Variants in STXBP5L observed in about 807,000 individuals in gnomAD.
The protein encoded by STXBP5L is syntaxin binding protein 5L.
A neutral mutation model predicts 144.5 loss-of-function variants in STXBP5L; 65 were observed. The ratio of observed to expected loss-of-function variants is 0.45; its 90% CI spans 0.37 to 0.55. The LOEUF is 0.55. Ranked by LOEUF, STXBP5L falls within the 20% of genes least tolerant of loss-of-function variation. The pLI, the probability that STXBP5L is intolerant of heterozygous loss-of-function variation, is 0.00. For synonymous variants in STXBP5L, 505 were observed against 469.6 expected, an observed-to-expected ratio of 1.08 and a Z score of -0.97; for missense variants, 1,298 against 1,405.5, an observed-to-expected ratio of 0.92 and a Z score of 1.22.
chr3:120,972,896 G>A (rs573712074), intron 3 of STXBP5L, among the ~76,000 whole-genome samples: 1 of 151,852 alleles, frequency 6.6e-6, no homozygotes, highest in Admixed American at 6.6e-5. Flanking sequence ...ATGTTGAATC[G>A]TCCTTGCAAT....
At chr3:121,348,130 C>G (rs1395453405) in intron 20 of STXBP5L, among the ~76,000 whole-genome samples, 1 of 152,004 alleles carries the variant, frequency 6.6e-6, no homozygotes, top group African/African-American at 2.4e-5. Context: ...GAGATATGTC[C>G]CATCAGTACC....
chr3:121,381,986 G>A (rs185777756), intron 22 of STXBP5L, among the ~76,000 whole-genome samples: 34 of 152,066 alleles, frequency 2.2e-4, no homozygotes, highest in African/African-American at 8.2e-4. Context: ...TTCCCATCTT[G>A]TTTCAAAAGC....
intron 3 of STXBP5L, among the ~76,000 whole-genome samples, chr3:121,029,277 C>T (rs961455226): frequency 1.4e-4 from 21 of 152,152 alleles, no homozygotes; most frequent in African/African-American, 4.6e-4. Flanking sequence ...TGACTTCAAA[C>T]TATACTACAA....
chr3:121,189,354 G>A (rs983052361), intron 9 of STXBP5L, among the ~76,000 whole-genome samples: 1 of 152,130 alleles, frequency 6.6e-6, no homozygotes, highest in Non-Finnish European at 1.5e-5. Flanking sequence ...TACTGTTTTA[G>A]GTCTAACATT....
chr3:121,112,127 C>T (rs894964857), intron 5 of STXBP5L, among the ~76,000 whole-genome samples: 7 of 151,884 alleles, frequency 4.6e-5, no homozygotes, highest in Admixed American at 1.3e-4. Flanking sequence ...TGGCTGCCAC[C>T]CCTCCCCCCA....
At chr3:121,007,347 A>G (rs1243515872) in intron 3 of STXBP5L, among the ~76,000 whole-genome samples, 1 of 151,780 alleles carries the variant, frequency 6.6e-6, no homozygotes, top group East Asian at 1.9e-4. Flanking sequence ...GCTTTCTTTT[A>G]TGATAATAGT....
intron 14 of STXBP5L, among the ~76,000 whole-genome samples, chr3:121,244,286 G>C (rs764861061): frequency 1.3e-5 from 2 of 151,780 alleles, no homozygotes; most frequent in Non-Finnish European, 1.5e-5. Context: ...TCATTACAGA[G>C]TGTCAACAAC....
intron 3 of STXBP5L, among the ~76,000 whole-genome samples, chr3:120,958,032 G>A (rs561600738): frequency 2.0e-5 from 3 of 152,192 alleles, no homozygotes; most frequent in East Asian, 1.9e-4. Flanking sequence ...AAGAAGAAAA[G>A]GGAGAAGAGT....
chr3:121,113,667 T>A (rs2044098320), intron 5 of STXBP5L, among the ~76,000 whole-genome samples: 1 of 128,512 alleles, frequency 7.8e-6, no homozygotes, highest in East Asian at 2.2e-4. Context: ...TTCTTTTTTC[T>A]TTTTCTTTTT....
intron 7 of STXBP5L, among the ~76,000 whole-genome samples, chr3:121,140,842 A>T (rs980050570): frequency 2.6e-5 from 4 of 152,224 alleles, no homozygotes; most frequent in Admixed American, 1.3e-4. Flanking sequence ...CAAGGTGATT[A>T]TAGGTAATGA....
intron 12 of STXBP5L, among the ~76,000 whole-genome samples, chr3:121,236,759 CA>C (rs1303734504): frequency 2.0e-5 from 3 of 152,174 alleles, no homozygotes; most frequent in Non-Finnish European, 4.4e-5. Context: ...AACATCCATT[CA>C]AAAGTTCAAA....
intron 2 of STXBP5L, among the ~76,000 whole-genome samples, chr3:120,915,124 C>G (rs111313988): frequency 6.6e-6 from 1 of 152,064 alleles, no homozygotes; most frequent in Admixed American, 6.5e-5. Flanking sequence ...CTTAAATGTT[C>G]TTAAAAACAA....
chr3:120,961,053 G>A (rs1292410975), intron 3 of STXBP5L, among the ~76,000 whole-genome samples: 1 of 151,996 alleles, frequency 6.6e-6, no homozygotes, highest in Non-Finnish European at 1.5e-5. Context: ...AATCTTGGTA[G>A]GTTGTATATG....
chr3:121,333,444 C>T (rs186566092), intron 20 of STXBP5L, among the ~76,000 whole-genome samples: 1 of 151,802 alleles, frequency 6.6e-6, no homozygotes, highest in African/African-American at 2.4e-5. Context: ...TAATTAACAA[C>T]CTAATGTCAC....
chr3:120,995,115 T>G (rs923835325), intron 3 of STXBP5L, among the ~76,000 whole-genome samples: 8 of 152,076 alleles, frequency 5.3e-5, no homozygotes, highest in African/African-American at 1.9e-4. Context: ...GTCTGCAAAT[T>G]AAAAAAGTGT....
At chr3:121,215,190 T>C (rs767398063) in intron 10 of STXBP5L, among the ~76,000 whole-genome samples, 7 of 152,202 alleles carry the variant, frequency 4.6e-5, no homozygotes, top group Non-Finnish European at 1.0e-4. Flanking sequence ...CTGGGGCATT[T>C]AGCCCACTTA....
intron 24 of STXBP5L, among the ~76,000 whole-genome samples, chr3:121,414,167 A>G (rs1055953644): frequency 6.6e-6 from 1 of 151,738 alleles, no homozygotes; most frequent in Non-Finnish European, 1.5e-5. Context: ...GTTTTTTTCT[A>G]TATGCCTAAT....
chr3:121,372,730 C>G (rs572636506), intron 20 of STXBP5L, among the ~76,000 whole-genome samples: 1 of 151,938 alleles, frequency 6.6e-6, no homozygotes, highest in Non-Finnish European at 1.5e-5. Flanking sequence ...CCAGTCTCCC[C>G]AGTATCCTGG....
At position 121,092,875 on chromosome 3, in the gene STXBP5L, A is replaced by G. The variant is rs576819945; in HGVS notation, c.471-22050A>G. ...AGTTTTCAAAGGGAATGCTTCCAGTATTTGCCCATTCAGTATGATATTGGC... is the reference window on the plus strand; with the variant it reads ...AGTTTTCAAAGGGAATGCTTCCAGTGTTTGCCCATTCAGTATGATATTGGC... On this transcript the variant is annotated intron_variant, in intron 5 of 26. Coordinates refer to ENST00000471454, the MANE Select transcript of STXBP5L (RefSeq NM_001308330.2). 1.6e-3 allele frequency among the ~76,000 whole-genome samples: 247 copies of G among 152,184 alleles called. 1 individual carries two copies. The highest frequency in any genetic ancestry group is 5.7e-3 in the African/African-American group (238 of 41,530).
Sources: allele counts gnomAD v4.1 joint callset (sites outside exome capture counted in the v4.1 genomes callset), GRCh38; gene constraint gnomAD v4.1.1; transcripts MANE v1.5; gene names NCBI Gene and HGNC (gene_info 2026-07-23, HGNC 2026-07-21).